The following GPC5 variants were observed in gnomAD, a reference collection of about 807,000 sequenced individuals.
GPC5 encodes the protein glypican-5.
GPC5 carries 47 observed loss-of-function variants against 53.9 expected under a neutral mutation model. That is an observed-to-expected ratio of 0.87 (90% CI 0.69 to 1.11). The LOEUF (loss-of-function observed/expected upper bound fraction) is 1.11, where lower values mean the gene tolerates loss of function less well. GPC5 is among the 50% of genes most tolerant of loss of function. The pLI is 0.00. For missense variants in GPC5, 748 were observed against 713.1 expected, an observed-to-expected ratio of 1.05 and a Z score of -0.56; for synonymous variants, 286 against 263.3, an observed-to-expected ratio of 1.09 and a Z score of -0.84.
chr13:92,043,584 G>T (rs2040958591), intron 6 of GPC5, among the ~76,000 whole-genome samples: 1 of 152,124 alleles, frequency 6.6e-6, no homozygotes, highest in African/African-American at 2.4e-5. Flanking sequence ...TCAATGAGAG[G>T]TATTCATTTT....
At chr13:91,707,118 A>G (rs575944475) in intron 3 of GPC5, among the ~76,000 whole-genome samples, 2 of 152,238 alleles carry the variant, frequency 1.3e-5, no homozygotes, top group South Asian at 4.1e-4. Context: ...ATATTCAGGC[A>G]CTAATTAATA....
intron 3 of GPC5, among the ~76,000 whole-genome samples, chr13:91,723,542 C>A (rs1283855361): frequency 6.6e-6 from 1 of 151,748 alleles, no homozygotes; most frequent in East Asian, 1.9e-4. Flanking sequence ...ATATCAGTGT[C>A]TGGCTCTTTA....
chr13:92,613,686 A>AAT (rs1315606496), intron 7 of GPC5, among the ~76,000 whole-genome samples: 5 of 138,090 alleles, frequency 3.6e-5, no homozygotes, highest in Admixed American at 8.2e-5. Context: ...TATTTTATAT[A>AAT]ATATATATAT....
At chr13:91,523,056 G>A (rs1463579140) in intron 2 of GPC5, among the ~76,000 whole-genome samples, 1 of 152,156 alleles carries the variant, frequency 6.6e-6, no homozygotes, top group African/African-American at 2.4e-5. Flanking sequence ...GAATTACATA[G>A]TTTAGGATGG....
intron 2 of GPC5, among the ~76,000 whole-genome samples, chr13:91,457,612 T>A (rs1039669920): frequency 6.6e-6 from 1 of 152,062 alleles, no homozygotes; most frequent in Non-Finnish European, 1.5e-5. Flanking sequence ...GAAATGGAAG[T>A]GCGTATGTAG....
intron 6 of GPC5, among the ~76,000 whole-genome samples, chr13:92,085,754 T>C (rs1364152001): frequency 1.3e-5 from 2 of 152,136 alleles, no homozygotes; most frequent in Non-Finnish European, 2.9e-5. Flanking sequence ...CATTAGATTA[T>C]CATAAGGAGC....
intron 7 of GPC5, among the ~76,000 whole-genome samples, chr13:92,669,769 G>A (rs574606933): frequency 2.0e-5 from 3 of 152,124 alleles, no homozygotes; most frequent in Non-Finnish European, 2.9e-5. Flanking sequence ...TCCTCAGAGA[G>A]AACAGATCCT....
chr13:92,350,717 A>G (rs993158288), intron 7 of GPC5, among the ~76,000 whole-genome samples: 8 of 152,206 alleles, frequency 5.3e-5, no homozygotes, highest in African/African-American at 1.9e-4. Flanking sequence ...TTGAGAGCAT[A>G]AGTATATTAA....
intron 7 of GPC5, among the ~76,000 whole-genome samples, chr13:92,333,342 CT>C (rs1220391564): frequency 4.6e-5 from 7 of 152,268 alleles, no homozygotes; most frequent in African/African-American, 1.7e-4. Context: ...AGAAGAAACT[CT>C]TTAACCAGAG....
chr13:91,622,830 C>T (rs1319920868), intron 2 of GPC5, among the ~76,000 whole-genome samples: 1 of 152,112 alleles, frequency 6.6e-6, no homozygotes, highest in Non-Finnish European at 1.5e-5. Flanking sequence ...AATCCAATAT[C>T]CAGCTAAGAT....
intron 7 of GPC5, among the ~76,000 whole-genome samples, chr13:92,852,319 T>A (rs1465970754): frequency 6.6e-6 from 1 of 152,072 alleles, no homozygotes; most frequent in Non-Finnish European, 1.5e-5. Flanking sequence ...GTCAGTGAGA[T>A]GAGGGATAAG....
At chr13:91,563,340 G>A (rs1280702177) in intron 2 of GPC5, among the ~76,000 whole-genome samples, 2 of 151,918 alleles carry the variant, frequency 1.3e-5, no homozygotes, top group Admixed American at 6.6e-5. Context: ...AAATAATATC[G>A]GGAATTATGA....
At chr13:92,552,683 C>T (rs1262227879) in intron 7 of GPC5, among the ~76,000 whole-genome samples, 1 of 151,924 alleles carries the variant, frequency 6.6e-6, no homozygotes, top group Non-Finnish European at 1.5e-5. Context: ...CCTGGACTCA[C>T]GTACTCAGTA....
chr13:91,668,088 A>G (rs1439667224), intron 2 of GPC5, among the ~76,000 whole-genome samples: 3 of 152,216 alleles, frequency 2.0e-5, no homozygotes, highest in South Asian at 4.1e-4. Flanking sequence ...GTATTTCAAT[A>G]TTAGATAAGA....
chr13:91,702,820 T>C (rs2036022145), intron 3 of GPC5, among the ~76,000 whole-genome samples: 1 of 152,036 alleles, frequency 6.6e-6, no homozygotes, highest in African/African-American at 2.4e-5. Context: ...CATCAATTTT[T>C]ATAGTTTTCA....
At chr13:92,119,389 A>ATTT (rs2041626975) in intron 6 of GPC5, among the ~76,000 whole-genome samples, 5 of 86,642 alleles carry the variant, frequency 5.8e-5, no homozygotes, top group African/African-American at 1.9e-4. Flanking sequence ...TTAGGATTTT[A>ATTT]GTTTTTTTTT....
chr13:92,548,979 T>C (rs550911819), intron 7 of GPC5, among the ~76,000 whole-genome samples: 36 of 152,252 alleles, frequency 2.4e-4, no homozygotes, highest in African/African-American at 8.4e-4. Flanking sequence ...TACATGAAGT[T>C]TAGAGATAAG....
intron 7 of GPC5, among the ~76,000 whole-genome samples, chr13:92,462,099 A>G (rs190440170): frequency 9.8e-5 from 15 of 152,346 alleles, no homozygotes; most frequent in Middle Eastern, 3.4e-3. Flanking sequence ...TGGCCTTGCC[A>G]GCGATAGGGA....
At chr13:91,466,274 G>A (rs1176730505) in intron 2 of GPC5, among the ~76,000 whole-genome samples, 1 of 152,164 alleles carries the variant, frequency 6.6e-6, no homozygotes, top group Non-Finnish European at 1.5e-5. Flanking sequence ...CTTCCCTGCT[G>A]CCACCCAGGA....
Sources: allele counts gnomAD v4.1 joint callset (sites outside exome capture counted in the v4.1 genomes callset), GRCh38; gene constraint gnomAD v4.1.1; transcripts MANE v1.5; gene names NCBI Gene and HGNC (gene_info 2026-07-23, HGNC 2026-07-21).